Variants in TAF1 observed in about 807,000 individuals in gnomAD.
TAF1 encodes the protein transcription initiation factor TFIID subunit 1.
In TAF1, 2 loss-of-function variants were observed where a neutral mutation model predicts 138.5. That is an observed-to-expected ratio of 0.01 (90% CI 0.01 to 0.05). The LOEUF is 0.05. TAF1 is among the 10% of genes least tolerant of loss of function. The pLI, the probability that TAF1 is intolerant of heterozygous loss-of-function variation, is 1.00. For missense variants in TAF1, 709 were observed against 1,478.0 expected, an observed-to-expected ratio of 0.48 and a Z score of 8.53; for synonymous variants, 437 against 503.2, an observed-to-expected ratio of 0.87 and a Z score of 1.76.
chrX:71,475,639 A>G (rs181563443), intron 13 of TAF1, among the ~76,000 whole-genome samples: 2 of 111,248 alleles, frequency 1.8e-5, no homozygotes, highest in Admixed American at 9.6e-5. Flanking sequence ...AAGATTTTCA[A>G]GACTTTTATG....
chrX:71,418,753 G>A (rs1198815986), intron 28 of TAF1, among the ~76,000 whole-genome samples: 1 of 104,594 alleles, frequency 9.6e-6, no homozygotes, highest in East Asian at 3.1e-4. Context: ...ATAGGGATCA[G>A]TATGGAGATT....
intron 32 of TAF1, among the ~76,000 whole-genome samples, chrX:71,452,737 C>T (rs922781155): frequency 2.7e-5 from 3 of 111,719 alleles, no homozygotes; most frequent in Admixed American, 9.5e-5. Flanking sequence ...TGTAGCGAGC[C>T]GAGATCACGC....
chrX:71,490,746 T>TG (rs2039259621), intron 13 of TAF1, among the ~76,000 whole-genome samples: 1 of 106,630 alleles, frequency 9.4e-6, no homozygotes, highest in African/African-American at 3.4e-5. Flanking sequence ...TTTTTTTTTT[T>TG]GAGACAGAGT....
chrX:71,514,774 TAAAAAG>T (rs1277372606), intron 13 of TAF1, among the ~76,000 whole-genome samples: 1 of 111,636 alleles, frequency 9.0e-6, no homozygotes, highest in Non-Finnish European at 1.9e-5. Flanking sequence ...TATCTTTACT[TAAAAAG>T]AGGAGAGTGA....
At chrX:71,483,151 C>CTTTTTTT (rs35875629) in intron 13 of TAF1, among the ~76,000 whole-genome samples, 37 of 74,926 alleles carry the variant, frequency 4.9e-4, no homozygotes, top group East Asian at 2.8e-3. Flanking sequence ...TTTTTCTTTT[C>CTTTTTTT]TTTTTTTTTT....
chrX:71,516,090 C>G (rs1488803522), intron 13 of TAF1, among the ~76,000 whole-genome samples: 2 of 109,534 alleles, frequency 1.8e-5, no homozygotes, highest in Non-Finnish European at 3.8e-5. Context: ...GAGACAGAGT[C>G]TCACTCCGTC....
Position 71,401,172 on chromosome X carries a change from A to T in TAF1, c.3787-356A>T, listed in dbSNP as rs184774926. The stretch of plus-strand genomic sequence containing the variant: ...TTTTTTCTATGTGTCATTTCCATAC[A>T]TGCAGATTTGTCTAGTGGCTTCTGG... On this transcript the variant is annotated intron_variant, in intron 24 of 37. Transcript: ENST00000423759. Among the ~76,000 whole-genome samples, 35 of 112,225 alleles carry T rather than the reference A, an allele frequency of 3.1e-4. No individual in the cohort carries two copies. In the Admixed American group the frequency reaches 3.2e-3, roughly 10 times the overall value.
intron 32 of TAF1, among the ~76,000 whole-genome samples, chrX:71,443,614 A>G (rs890586070): frequency 4.5e-5 from 5 of 112,161 alleles, no homozygotes; most frequent in Non-Finnish European, 9.4e-5. Flanking sequence ...GCAAACAGGA[A>G]CAATTTGACT....
intron 36 of TAF1, 125 bp from the exon 37 acceptor site, chrX:71,460,501 A>G (rs1323040692): frequency 2.8e-6 from 2 of 724,848 alleles, no homozygotes; most frequent in South Asian, 5.7e-5. Flanking sequence ...ATTTGAGGAG[A>G]GGCGTATAGG....
At chrX:71,493,280 T>A (rs922332572) in intron 13 of TAF1, among the ~76,000 whole-genome samples, 1 of 112,182 alleles carries the variant, frequency 8.9e-6, no homozygotes, top group Non-Finnish European at 1.9e-5. Context: ...TCCAAAGTGC[T>A]AGGATTACAG....
chrX:71,382,000 G>C, intron 9 of TAF1, 81 bp downstream of exon 9: 1 of 1,041,017 alleles, frequency 9.6e-7, no homozygotes. Context: ...AAATCAGAAG[G>C]GTTGGAGATG....
intron 13 of TAF1, among the ~76,000 whole-genome samples, chrX:71,497,103 A>G (rs1263479133): frequency 8.9e-6 from 1 of 112,073 alleles, no homozygotes; most frequent in Non-Finnish European, 1.9e-5. Context: ...CTGGGGGAAG[A>G]GGCTTACTTT....
intron 13 of TAF1, among the ~76,000 whole-genome samples, chrX:71,500,458 C>G (rs1486946656): frequency 9.1e-6 from 1 of 110,459 alleles, no homozygotes; most frequent in African/African-American, 3.3e-5. Flanking sequence ...CAAGGGTGAG[C>G]CTGTTGATGC....
intron 8 of TAF1, among the ~76,000 whole-genome samples, chrX:71,379,825 C>T (rs777834127): frequency 3.8e-4 from 42 of 110,547 alleles, no homozygotes; most frequent in Non-Finnish European, 6.8e-4. Flanking sequence ...TGGTCTCGAA[C>T]TCCCGACCTT....
rs184186050 is a variant in TAF1 at position 71,441,371 on chromosome X, T to C, written c.4754-12799T>C. Among the ~76,000 whole-genome samples the C allele has an allele frequency of 7.8e-3, 869 of 111,669 alleles. 12 individuals carry two copies. Among genetic ancestry groups the C allele is most frequent in the African/African-American group, 0.027 (821 of 30,843 alleles). On this transcript the variant is annotated intron_variant, in intron 32 of 37. Transcript: ENST00000423759. ...TTTGAAAAACAGCATAAGAAATTTTTTTAATTTCTTATATAAATTAACTTT... is the reference window on the plus strand; with the variant it reads ...TTTGAAAAACAGCATAAGAAATTTTCTTAATTTCTTATATAAATTAACTTT...
chrX:71,485,398 G>A (rs1034601268), intron 13 of TAF1, among the ~76,000 whole-genome samples: 7 of 111,764 alleles, frequency 6.3e-5, no homozygotes, highest in Non-Finnish European at 1.3e-4. Context: ...TTTTTGAGGA[G>A]CTGCCAAGCT....
At chrX:71,380,971 G>A (rs780573710) in intron 8 of TAF1, among the ~76,000 whole-genome samples, 10 of 112,256 alleles carry the variant, frequency 8.9e-5, no homozygotes, top group African/African-American at 2.9e-4. Context: ...GATTACAGGC[G>A]TGAGCCACCA....
intron 14 of TAF1, among the ~76,000 whole-genome samples, chrX:71,529,229 G>A (rs996614761): frequency 1.8e-5 from 2 of 109,955 alleles, no homozygotes; most frequent in Non-Finnish European, 3.8e-5. Flanking sequence ...CCGCCACCAC[G>A]CCTGACTAAT....
downstream of TAF1, among the ~76,000 whole-genome samples, chrX:71,468,608 C>G (rs2038815208): frequency 9.5e-6 from 1 of 105,714 alleles, no homozygotes; most frequent in Admixed American, 1.0e-4. Context: ...ATCGCTTGAA[C>G]CGGGAGGCGA....
Sources: gnomAD v4.1 joint callset for allele counts (sites outside exome capture counted in the v4.1 genomes callset) on GRCh38, gnomAD v4.1.1 for gene constraint, MANE v1.5 for transcripts, NCBI Gene and HGNC (gene_info 2026-07-23, HGNC 2026-07-21) for gene names.